The following HOXB8 variants were observed in gnomAD, a reference collection of about 807,000 sequenced individuals.
HOXB8 encodes homeobox B8, also known as homeobox protein Hox-B8.
In HOXB8, 17 loss-of-function variants were observed where a neutral mutation model predicts 22.2. The observed-to-expected ratio is 0.77, with a 90% confidence interval of 0.53 to 1.15. HOXB8 has a LOEUF of 1.15. Ranked by LOEUF, HOXB8 falls within the 50% of genes most tolerant of loss-of-function variation. The probability of loss-of-function intolerance (pLI) is 0.00; values close to 1 mark genes in which losing one functional copy is unlikely to be tolerated. For missense variants in HOXB8, 287 were observed against 323.8 expected, an observed-to-expected ratio of 0.89 and a Z score of 0.87; for synonymous variants, 156 against 144.6, an observed-to-expected ratio of 1.08 and a Z score of -0.57.
rs1359550928 is a variant in HOXB8, at chr17:48,614,319, G to A, written c.386C>T (p.Pro129Leu). 30 of 1,560,966 alleles carry A rather than the reference G, an allele frequency of 1.9e-5. No individual in the cohort carries two copies. Among genetic ancestry groups the A allele is most frequent in the Non-Finnish European group, 2.6e-5 (30 of 1,163,104 alleles). ...GEEAEGSEQS[P>L]SPTQLFPWMR... ...CCAGGGGAAGAGCTGTGTGGGCGAC[G>A]GGCTCTGCTCGGAGCCCTCGGCCTC... The change falls in exon 1 of 2, where the codon CCG (proline) becomes CTG (leucine). Residue 129 changes from proline to leucine, a missense_variant. Around this residue, in one of 3 missense-constraint regions of HOXB8, gnomAD observed 229 missense variants for 239.8 expected, o/e 0.95. Transcript: ENST00000239144. The surrounding 1 kb of genome is among the most constrained non-coding windows in gnomAD (Gnocchi z 4.1).
At position 48,614,462 on chromosome 17, in the gene HOXB8, G is replaced by A. The variant is rs1373254439; in HGVS notation, c.243C>T (p.Asp81=). Residue 81 remains aspartate (D), a synonymous_variant, in exon 1 of 2, where the codon GAC becomes GAT. Transcript: ENST00000239144. The surrounding 1 kb of genome is among the most constrained non-coding windows in gnomAD (Gnocchi z 4.1). The stretch of plus-strand genomic sequence containing the variant: ...GGTCGTAGCCGTAGAAATTGCCGGG[G>A]TCCCCGTGGCACGCCACGGCGCACG... The part of the protein sequence containing the change: ...QNPCAVACHG[D]PGNFYGYDPL... 24 of 1,613,882 alleles carry A rather than the reference G, an allele frequency of 1.5e-5. No homozygotes were observed. Among genetic ancestry groups the A allele is most frequent in the Non-Finnish European group, 2.0e-5 (24 of 1,179,948 alleles).
Position 48,614,369 on chromosome 17 carries a change from A to G in HOXB8, c.336T>C (p.Leu112=). The G allele has an allele frequency of 6.2e-7, 1 of 1,605,784 alleles. No homozygotes were observed. ...CCTCGCCCAGGCCGCTGGCGGCGGC[A>G]AGCTTGCAGTCTGCGTACTGCACCA... is the stretch of plus-strand genomic sequence containing the variant. ...PDLVQYADCK[L]AAASGLGEEA... The change falls in exon 1 of 2, where the codon CTT becomes CTC. Residue 112 remains leucine (L), a synonymous_variant. Coordinates refer to ENST00000239144, the MANE Select transcript of HOXB8 (RefSeq NM_024016.4). This position sits in a 1 kb window ranked among gnomAD's most constrained non-coding sequence, Gnocchi z 4.1.
intron 1 of HOXB8, among the ~76,000 whole-genome samples, chr17:48,613,782 T>A (rs2145000888): frequency 6.6e-6 from 1 of 151,792 alleles, no homozygotes; most frequent in African/African-American, 2.4e-5. Flanking sequence ...TAGGAGGTGG[T>A]TCAGATCTAT....
At chr17:48,613,771 G>A (rs927266191) in intron 1 of HOXB8, among the ~76,000 whole-genome samples, 2 of 152,158 alleles carry the variant, frequency 1.3e-5, no homozygotes, top group African/African-American at 4.8e-5. Context: ...CCAGAGTTGT[G>A]TAGGAGGTGG....
Position 48,613,108 on chromosome 17 carries a change from G to T in HOXB8, c.*94C>A. On this transcript the variant is annotated 3_prime_UTR_variant, in exon 2 of 2. Transcript: ENST00000239144. ...CCCGGCTCCTGGCCCCGCTAGCGGG[G>T]CCAGAGCTCTCTCGGGCAGGGGCGC... The T allele has an allele frequency of 1.1e-6, 1 of 871,464 alleles. No homozygotes were observed. Among genetic ancestry groups the T allele is most frequent in the Non-Finnish European group, 1.5e-6 (1 of 684,044 alleles). 54.0% of individuals were successfully genotyped at this position (871,464 alleles called of 1,614,324 possible). A position where few individuals can be genotyped will look rare whatever the true frequency, so the allele number is the denominator to read the frequency against.
In HOXB8 at chr17:48,614,443, A is replaced by C. The variant is rs774687021; in HGVS notation, c.262T>G (p.Tyr88Asp). 1 of 1,613,942 alleles carries C rather than the reference A, an allele frequency of 6.2e-7. No homozygotes were observed. The highest frequency in any genetic ancestry group is 1.1e-5 in the South Asian group (1 of 91,080). Residue 88 changes from tyrosine to aspartate, a missense_variant, in exon 1 of 2, where the codon TAC becomes GAC. Tyr to Asp is a radical substitution (Grantham distance 160, BLOSUM62 -3). Transcript: ENST00000239144. The surrounding 1 kb of genome is among the most constrained non-coding windows in gnomAD (Gnocchi z 4.1). ...CHGDPGNFYG[Y>D]DPLQRQSLFG... The stretch of plus-strand genomic sequence containing the variant: ...AGGCTCTGGCGTTGCAGCGGGTCGT[A>C]GCCGTAGAAATTGCCGGGGTCCCCG...
chr17:48,614,029 AAGG>A lies in HOXB8; in HGVS notation c.424+249_424+251del, dbSNP rs963006578. On this transcript the variant is annotated intron_variant, in intron 1 of 1. Transcript: ENST00000239144. This position sits in a 1 kb window ranked among gnomAD's most constrained non-coding sequence, Gnocchi z 4.1. ...CCATAAAACAGTAAAAGGGGAAAAA[AAGG>A]AGGAGAAGAAGAAGAAAAGTAAGGC... Among the ~76,000 whole-genome samples the A allele has an allele frequency of 3.2e-4, 49 of 152,286 alleles. No individual in the cohort carries two copies. The highest frequency in any genetic ancestry group is 1.1e-3 in the African/African-American group (46 of 41,566).
In HOXB8 at chr17:48,614,757, T is replaced by A. The variant is rs879033190; in HGVS notation, c.-53A>T. 10 of 12,386 alleles carry A rather than the reference T, an allele frequency of 8.1e-4. No individual in the cohort carries two copies. In the African/African-American group the frequency reaches 0.013, roughly 16 times the overall value. 0.8% of individuals were successfully genotyped at this position (12,386 alleles called of 1,614,324 possible). On this transcript the variant is annotated 5_prime_UTR_variant, in exon 1 of 2. Transcript: ENST00000239144. This position sits in a 1 kb window ranked among gnomAD's most constrained non-coding sequence, Gnocchi z 4.1. ...GGCGGAGGCTATAGTTGGGGGCTGT[T>A]GGGGAGGGGGTGGGGAGGGGGAAAG...
rs906478504 is a variant in HOXB8 at position 48,614,417 on chromosome 17, T to G, written c.288A>C (p.Leu96=). 1 of 1,613,760 alleles carries G rather than the reference T, an allele frequency of 6.2e-7. No individual in the cohort carries two copies. Among genetic ancestry groups the G allele is most frequent in the Non-Finnish European group, 8.5e-7 (1 of 1,179,868 alleles). ...YGYDPLQRQS[L]FGAQDPDLVQ... ...CCAGGTCTGGATCCTGCGCACCGAATAGGCTCTGGCGTTGCAGCGGGTCGT... is the reference window on the plus strand; with the variant it reads ...CCAGGTCTGGATCCTGCGCACCGAAGAGGCTCTGGCGTTGCAGCGGGTCGT... Residue 96 remains leucine (L), a synonymous_variant, in exon 1 of 2, where the codon CTA becomes CTC. Coordinates refer to ENST00000239144, the MANE Select transcript of HOXB8 (RefSeq NM_024016.4). The surrounding 1 kb of genome is among the most constrained non-coding windows in gnomAD (Gnocchi z 4.1).
At position 48,613,529 on chromosome 17, in the gene HOXB8, C is replaced by A. The variant is rs758522946; in HGVS notation, c.425-20G>T. Reference sequence around the variant, plus strand: ...CGGCTGCTGGGAATGGGGGAAAGGGCGAGACAGAGGGGAGGGGAGGGTGGG... The same window carrying A: ...CGGCTGCTGGGAATGGGGGAAAGGGAGAGACAGAGGGGAGGGGAGGGTGGG... On this transcript the variant is annotated intron_variant, in intron 1 of 1. Coordinates refer to ENST00000239144, the MANE Select transcript of HOXB8 (RefSeq NM_024016.4). The A allele has an allele frequency of 1.5e-6, 1 of 673,672 alleles. No homozygotes were observed. Among genetic ancestry groups the A allele is most frequent in the South Asian group, 3.3e-5 (1 of 30,650 alleles). 41.7% of individuals were successfully genotyped at this position (673,672 alleles called of 1,614,324 possible).
In HOXB8 at chr17:48,614,599, G is replaced by A; in HGVS notation, c.106C>T (p.Pro36Ser). The A allele has an allele frequency of 6.2e-7, 1 of 1,610,400 alleles. No individual in the cohort carries two copies. Among genetic ancestry groups the A allele is most frequent in the Non-Finnish European group, 8.5e-7 (1 of 1,178,366 alleles). Residue 36 changes from proline (P) to serine (S), a missense_variant, in exon 1 of 2, where the codon CCC becomes TCC. Physicochemically the swap from Pro to Ser is moderately conservative, Grantham distance 74. Transcript: ENST00000239144. The surrounding 1 kb of genome is among the most constrained non-coding windows in gnomAD (Gnocchi z 4.1). Reference sequence around the variant, plus strand: ...CTGCTGGGACCGTACACCACGGTGGGTCGGCCGCCCAGGTCCTGGGCGAAG... The same window carrying A: ...CTGCTGGGACCGTACACCACGGTGGATCGGCCGCCCAGGTCCTGGGCGAAG... ...CGFAQDLGGR[P>S]TVVYGPSSGG...
At position 48,615,021 on chromosome 17, in the gene HOXB8, A is replaced by C; in HGVS notation, c.-317T>G. The C allele has an allele frequency of 4.5e-6, 1 of 224,108 alleles. No individual in the cohort carries two copies. The highest frequency in any genetic ancestry group is 9.1e-5 in the East Asian group (1 of 10,990). The allele number at this position is 224,108 out of a possible 1,614,324, so 13.9% of individuals were successfully genotyped here. A position where few individuals can be genotyped will look rare whatever the true frequency, so the allele number is the denominator to read the frequency against. On this transcript the variant is annotated 5_prime_UTR_variant, in exon 1 of 2. Transcript: ENST00000239144. ...CCCCCACCCCCCACCCCCCAAACAA[A>C]AATATACCACCACTTAAAGAGGTCC...
Position 48,614,936 on chromosome 17 carries a change from A to C in HOXB8, c.-232T>G. The C allele has an allele frequency of 2.3e-6, 1 of 437,208 alleles. No homozygotes were observed. The highest frequency in any genetic ancestry group is 3.9e-5 in the East Asian group (1 of 25,586). The allele number at this position is 437,208 out of a possible 1,614,324, so 27.1% of individuals were successfully genotyped here. ...CTTTTTGTGGTTTCCAGGAATAGAA[A>C]AGGACAGAGAAGCCTCCAAAAGTCT... is the stretch of plus-strand genomic sequence containing the variant. On this transcript the variant is annotated 5_prime_UTR_variant, in exon 1 of 2. Transcript: ENST00000239144. The surrounding 1 kb of genome is among the most constrained non-coding windows in gnomAD (Gnocchi z 4.1).
rs148028772 is a variant in HOXB8, at chr17:48,614,182, G to A, written c.424+99C>T. ...AGCGGCAGGCGATCGGAACGGAGCC[G>A]GCAAGTCTTCCAGAAGCTGGAGGAA... is the stretch of plus-strand genomic sequence containing the variant. On this transcript the variant is annotated intron_variant, in intron 1 of 1. Transcript: ENST00000239144. The surrounding 1 kb of genome is among the most constrained non-coding windows in gnomAD (Gnocchi z 4.1). 16 of 960,096 alleles carry A rather than the reference G, an allele frequency of 1.7e-5. No individual in the cohort carries two copies. In the East Asian group the frequency reaches 4.3e-4, roughly 26 times the overall value. 59.5% of individuals were successfully genotyped at this position (960,096 alleles called of 1,614,324 possible).
At position 48,614,489 on chromosome 17, in the gene HOXB8, G is replaced by C; in HGVS notation, c.216C>G (p.Asn72Lys). Residue 72 changes from asparagine to lysine, a missense_variant, in exon 1 of 2, where the codon AAC (asparagine) becomes AAG (lysine). Asn to Lys is a moderately conservative substitution (Grantham distance 94, BLOSUM62 0). Around this residue, in one of 3 missense-constraint regions of HOXB8, gnomAD observed 229 missense variants for 239.8 expected, o/e 0.95. Coordinates refer to ENST00000239144, the MANE Select transcript of HOXB8 (RefSeq NM_024016.4). This position sits in a 1 kb window ranked among gnomAD's most constrained non-coding sequence, Gnocchi z 4.1. The stretch of plus-strand genomic sequence containing the variant: ...CCCCGTGGCACGCCACGGCGCACGG[G>C]TTCTGCTGGTAGGGAGCCGTGGACA... The part of the protein sequence containing the change: ...SSLSTAPYQQ[N>K]PCAVACHGDP... The C allele has an allele frequency of 6.2e-7, 1 of 1,614,014 alleles. No homozygotes were observed.
Position 48,613,240 on chromosome 17 carries a change from C to T in HOXB8, c.694G>A (p.Ala232Thr). 1.2e-6 allele frequency: 2 copies of T among 1,613,286 alleles called. No homozygotes were observed. The highest frequency in any genetic ancestry group is 4.5e-5 in the East Asian group (2 of 44,818). ...KQKLERAPEA[A>T]DEGDAQKGDK... ...CCCTTCTGCGCGTCGCCCTCGTCCG[C>T]CGCCTCTGGGGCCCGCTCCAGCTTC... The change falls in exon 2 of 2, where the codon GCG becomes ACG. Residue 232 changes from alanine to threonine, a missense_variant. By Grantham distance (58) the Ala-to-Thr change is moderately conservative. Coordinates refer to ENST00000239144, the MANE Select transcript of HOXB8 (RefSeq NM_024016.4).
Position 48,614,386 on chromosome 17 carries a change from A to G in HOXB8, c.319T>C (p.Tyr107His). Residue 107 changes from tyrosine (Y) to histidine (H), a missense_variant, in exon 1 of 2, where the codon TAC becomes CAC. Around this residue, in one of 3 missense-constraint regions of HOXB8, gnomAD observed 229 missense variants for 239.8 expected, o/e 0.95. Transcript: ENST00000239144. The surrounding 1 kb of genome is among the most constrained non-coding windows in gnomAD (Gnocchi z 4.1). ...FGAQDPDLVQ[Y>H]ADCKLAAASG... ...GCGGCGGCAAGCTTGCAGTCTGCGTACTGCACCAGGTCTGGATCCTGCGCA... is the reference window on the plus strand; with the variant it reads ...GCGGCGGCAAGCTTGCAGTCTGCGTGCTGCACCAGGTCTGGATCCTGCGCA... 2 of 1,612,328 alleles carry G rather than the reference A, an allele frequency of 1.2e-6. No homozygotes were observed. The highest frequency in any genetic ancestry group is 1.7e-6 in the Non-Finnish European group (2 of 1,179,734).
At position 48,614,948 on chromosome 17, in the gene HOXB8, G is replaced by T. The variant is rs953287196; in HGVS notation, c.-244C>A. ...TCCAGGAATAGAAAAGGACAGAGAA[G>T]CCTCCAAAAGTCTAAGCTTGCATGG... On this transcript the variant is annotated 5_prime_UTR_variant, in exon 1 of 2. Coordinates refer to ENST00000239144, the MANE Select transcript of HOXB8 (RefSeq NM_024016.4). The surrounding 1 kb of genome is among the most constrained non-coding windows in gnomAD (Gnocchi z 4.1). 2.0e-5 allele frequency: 8 copies of T among 401,670 alleles called. No homozygotes were observed. The highest frequency in any genetic ancestry group is 1.2e-4 in the Admixed American group (3 of 24,016). The allele number at this position is 401,670 out of a possible 1,614,324, so 24.9% of individuals were successfully genotyped here.
In HOXB8 at chr17:48,614,554, G is replaced by A. The variant is rs1356136561; in HGVS notation, c.151C>T (p.Pro51Ser). The A allele has an allele frequency of 6.2e-7, 1 of 1,612,780 alleles. No individual in the cohort carries two copies. The highest frequency in any genetic ancestry group is 8.5e-7 in the Non-Finnish European group (1 of 1,179,542). The change falls in exon 1 of 2, where the codon CCG becomes TCG. Residue 51 changes from proline (P) to serine (S), a missense_variant. Around this residue, in one of 3 missense-constraint regions of HOXB8, gnomAD observed 229 missense variants for 239.8 expected, o/e 0.95. Coordinates refer to ENST00000239144, the MANE Select transcript of HOXB8 (RefSeq NM_024016.4). This position sits in a 1 kb window ranked among gnomAD's most constrained non-coding sequence, Gnocchi z 4.1. The part of the protein sequence containing the change: ...GPSSGGSFQH[P>S]SQIQEFYHGP... ...TGGTAGAACTCCTGGATTTGCGACG[G>A]GTGCTGGAAGCTGCCGCCGCTGCTG... is the stretch of plus-strand genomic sequence containing the variant.
Sources: allele counts gnomAD v4.1 joint callset (sites outside exome capture counted in the v4.1 genomes callset), GRCh38; gene constraint gnomAD v4.1.1; regional missense constraint gnomAD v4.1.1; non-coding constraint Gnocchi (gnomAD v3.1); transcripts MANE v1.5; gene names NCBI Gene and HGNC (gene_info 2026-07-23, HGNC 2026-07-21).